Variants in MED13L observed in about 807,000 individuals in gnomAD.
MED13L encodes the protein mediator complex subunit 13L, also known as mediator of RNA polymerase II transcription subunit 13-like.
In MED13L, 7 loss-of-function variants were observed where a neutral mutation model predicts 220.9. The observed-to-expected ratio is 0.03, with a 90% CI of 0.02 to 0.06. MED13L has a LOEUF of 0.06. Among genes scored for constraint, MED13L ranks in the 10% least tolerant of loss-of-function variants. The pLI, the probability that MED13L is intolerant of heterozygous loss-of-function variation, is 1.00. For synonymous variants in MED13L, 1,011 were observed against 1,015.2 expected (o/e 1.00, Z 0.08); for missense variants, 1,965 against 2,760.5 (o/e 0.71, Z 6.46).
intron 4 of MED13L, among the ~76,000 whole-genome samples, chr12:116,081,671 A>T (rs1871247397): frequency 6.6e-6 from 1 of 152,182 alleles, no homozygotes; most frequent in Non-Finnish European, 1.5e-5. Flanking sequence ...GTTTGAGACC[A>T]GCCCGGGAAA....
intron 4 of MED13L, among the ~76,000 whole-genome samples, chr12:116,054,959 G>T (rs918715441): frequency 4.6e-5 from 7 of 152,154 alleles, no homozygotes; most frequent in Non-Finnish European, 8.8e-5. Flanking sequence ...TACATAAATT[G>T]TGGTATATTA....
intron 2 of MED13L, among the ~76,000 whole-genome samples, chr12:116,136,455 TGAGAGAGAGG>T (rs925266257): frequency 5.3e-5 from 8 of 152,050 alleles, no homozygotes; most frequent in African/African-American, 1.9e-4. Context: ...TGTGTGTGTA[TGAGAGAGAGG>T]GAGAGAGAGA....
At chr12:116,165,498 CTT>C (rs536580493) in intron 2 of MED13L, among the ~76,000 whole-genome samples, 202 of 151,528 alleles carry the variant, frequency 1.3e-3, no homozygotes, top group Non-Finnish European at 2.1e-3. Flanking sequence ...GCCCAGCTAA[CTT>C]TTTGTATTTT....
chr12:116,276,365 T>C, intron 1 of MED13L: 3 of 925,094 alleles, frequency 3.2e-6, no homozygotes, highest in Non-Finnish European at 4.5e-6. Context: ...GATTCGTTGT[T>C]AGGATAGAGA....
intron 1 of MED13L, among the ~76,000 whole-genome samples, chr12:116,267,440 G>C (rs1872914968): frequency 6.6e-6 from 1 of 152,040 alleles, no homozygotes; most frequent in Admixed American, 6.6e-5. Context: ...AACTGCCTCG[G>C]GCTACTCTAT....
At chr12:116,228,087 G>A (rs1240902925) in intron 2 of MED13L, among the ~76,000 whole-genome samples, 7 of 152,110 alleles carry the variant, frequency 4.6e-5, no homozygotes, top group South Asian at 4.1e-4. Context: ...AGTCAAAGCC[G>A]AATCCAGAAC....
intron 1 of MED13L, among the ~76,000 whole-genome samples, chr12:116,255,833 A>G (rs551630842): frequency 6.6e-6 from 1 of 152,368 alleles, no homozygotes; most frequent in Non-Finnish European, 1.5e-5. Context: ...TCCCTAATTC[A>G]AAAATCCAAA....
intron 9 of MED13L, among the ~76,000 whole-genome samples, chr12:116,012,455 G>C (rs1364529694): frequency 6.6e-6 from 1 of 152,094 alleles, no homozygotes; most frequent in African/African-American, 2.4e-5. Context: ...ATTGACTCAA[G>C]CCCATCTGTT....
Position 116,019,900 on chromosome 12 carries a change from C to A in MED13L, c.698G>T (p.Arg233Leu). 6.2e-7 allele frequency: 1 copy of A among 1,613,800 alleles called. No homozygotes were observed. Among genetic ancestry groups the A allele is most frequent in the South Asian group, 1.1e-5 (1 of 91,076 alleles). The change falls in exon 6 of 31, where the codon CGT becomes CTT. Residue 233 changes from arginine (R) to leucine (L), a missense_variant. By Grantham distance (102) the Arg-to-Leu change is moderately radical. Transcript: ENST00000281928. ...ATACTGCCATTCCTCAATCAACTTACGAGTGGCTGGGTCTGACATCTTGTA... is the reference window on the plus strand; with the variant it reads ...ATACTGCCATTCCTCAATCAACTTAAGAGTGGCTGGGTCTGACATCTTGTA... ...QAYKMSDPAT[R>L]KLIEEWQYFY... is the part of the protein sequence containing the mutation.
Position 116,131,663 on chromosome 12 carries a change from T to C in MED13L, c.311-20151A>G, listed in dbSNP as rs564109238. 3.7e-4 allele frequency among the ~76,000 whole-genome samples: 56 copies of C among 152,328 alleles called. No individual in the cohort carries two copies. The Middle Eastern group carries it at 0.01, about 28-fold the overall frequency. ...CATATGTTTTTGTGTGCATGTATCA[T>C]TCAAAATCCCATTGCAATCACATTT... On this transcript the variant is annotated intron_variant, in intron 2 of 30. Transcript: ENST00000281928.
At chr12:116,228,554 C>T (rs1242075351) in intron 2 of MED13L, among the ~76,000 whole-genome samples, 1 of 152,156 alleles carries the variant, frequency 6.6e-6, no homozygotes, top group Non-Finnish European at 1.5e-5. Context: ...CCACTAAGAT[C>T]CATTCCCCAC....
intron 2 of MED13L, among the ~76,000 whole-genome samples, chr12:116,128,157 CAAAG>C (rs1280632496): frequency 6.6e-6 from 1 of 152,138 alleles, no homozygotes; most frequent in Non-Finnish European, 1.5e-5. Context: ...TTCTCACCCA[CAAAG>C]AAGAATGTCA....
At chr12:115,978,821 T>C (rs1565989953) in intron 23 of MED13L, among the ~76,000 whole-genome samples, 3 of 152,366 alleles carry the variant, frequency 2.0e-5, no homozygotes, top group South Asian at 4.1e-4. Context: ...AACTGTGTTC[T>C]GAGATGCGAG....
In MED13L at chr12:116,083,391, G is replaced by A. The variant is rs1204781654; in HGVS notation, c.479+13278C>T. On this transcript the variant is annotated intron_variant, in intron 4 of 30. Transcript: ENST00000281928. ...CACTTCAGCCTGGAAGACAGAGCGA[G>A]ACTGTCTCGAGGGAAAAAAAAAAAA... 1.4e-4 allele frequency among the ~76,000 whole-genome samples: 17 copies of A among 120,012 alleles called. No individual in the cohort carries two copies. The East Asian group carries it at 4.4e-3, about 31-fold the overall frequency. The allele number at this position is 120,012 out of a possible 152,430, so 78.7% of individuals were successfully genotyped here.
intron 1 of MED13L, among the ~76,000 whole-genome samples, chr12:116,242,795 GCAGATCCCAAA>G (rs2138484387): frequency 6.6e-6 from 1 of 152,260 alleles, no homozygotes; most frequent in Non-Finnish European, 1.5e-5. Context: ...GTAGCAAATG[GCAGATCCCAAA>G]TATAACTAGA....
intron 4 of MED13L, among the ~76,000 whole-genome samples, chr12:116,037,956 T>C (rs1881284121): frequency 6.6e-6 from 1 of 152,094 alleles, no homozygotes; most frequent in Non-Finnish European, 1.5e-5. Flanking sequence ...GAAGCCAACA[T>C]ACGTAAGATT....
At chr12:116,126,221 T>C (rs955478465) in intron 2 of MED13L, among the ~76,000 whole-genome samples, 2 of 152,182 alleles carry the variant, frequency 1.3e-5, no homozygotes, top group African/African-American at 4.8e-5. Context: ...AACAAGTCAA[T>C]ATGAAAACTG....
intron 4 of MED13L, among the ~76,000 whole-genome samples, chr12:116,068,710 A>G (rs919055042): frequency 6.6e-6 from 1 of 152,154 alleles, no homozygotes; most frequent in East Asian, 1.9e-4. Flanking sequence ...TCAGTGTTTT[A>G]AATTTGAACT....
At chr12:115,988,449 G>C (rs1458207560) in intron 17 of MED13L, among the ~76,000 whole-genome samples, 2 of 152,136 alleles carry the variant, frequency 1.3e-5, no homozygotes, top group East Asian at 3.9e-4. Flanking sequence ...TGTCTGTCCT[G>C]AGTCTGATGC....
Sources: gnomAD v4.1 joint callset for allele counts (sites outside exome capture counted in the v4.1 genomes callset) on GRCh38, gnomAD v4.1.1 for gene constraint, MANE v1.5 for transcripts, NCBI Gene and HGNC (gene_info 2026-07-23, HGNC 2026-07-21) for gene names.